The following DYRK1A variants were observed in gnomAD, a reference collection of about 807,000 sequenced individuals.
DYRK1A encodes dual specificity tyrosine phosphorylation regulated kinase 1A, also known as dual specificity tyrosine-phosphorylation-regulated kinase 1A.
DYRK1A carries 9 observed loss-of-function variants against 79.7 expected under a neutral mutation model. That is an observed-to-expected ratio of 0.11 (90% CI 0.07 to 0.20). The LOEUF (loss-of-function observed/expected upper bound fraction) is 0.20. DYRK1A is among the 10% of genes least tolerant of loss of function. DYRK1A has a pLI of 1.00. For synonymous variants in DYRK1A, 349 were observed against 329.7 expected (o/e 1.06, Z -0.63); for missense variants, 622 against 956.0 (o/e 0.65, Z 4.61).
chr21:37,507,186 C>A (rs931568257), intron 11 of DYRK1A, among the ~76,000 whole-genome samples: 1 of 152,206 alleles, frequency 6.6e-6, no homozygotes, highest in Admixed American at 6.5e-5. Context: ...TGTGCACTGT[C>A]CACTTCTCCT....
chr21:37,444,349 C>G (rs531871440), intron 2 of DYRK1A, among the ~76,000 whole-genome samples: 69 of 152,026 alleles, frequency 4.5e-4, no homozygotes, highest in African/African-American at 1.6e-3. Flanking sequence ...TAAGAAAGAT[C>G]AGTAACTGCA....
In DYRK1A at chr21:37,524,945, A is replaced by G. The variant is rs1485605491; in HGVS notation, c.*12414A>G. The G allele has an allele frequency of 5.9e-5, 9 of 152,250 alleles. No individual in the cohort carries two copies. The highest frequency in any genetic ancestry group is 5.9e-4 in the Admixed American group (9 of 15,290). The allele number at this position is 152,250 out of a possible 1,614,324, so 9.4% of individuals were successfully genotyped here. On this transcript the variant is annotated 3_prime_UTR_variant, in exon 12 of 12. Coordinates refer to ENST00000647188, the MANE Select transcript of DYRK1A (RefSeq NM_001347721.2). ...GAAACTACATCTCTACTAAAAGTAC[A>G]AAAATTAGCCGGGCATGATGGCATG...
At chr21:37,431,457 G>A (rs551803738) in intron 2 of DYRK1A, among the ~76,000 whole-genome samples, 116 of 152,326 alleles carry the variant, frequency 7.6e-4, no homozygotes, top group Non-Finnish European at 1.4e-3. Context: ...TTGAAAGTCA[G>A]CACCTGTACT....
intron 1 of DYRK1A, among the ~76,000 whole-genome samples, chr21:37,409,650 A>G (rs771285384): frequency 2.1e-4 from 32 of 152,154 alleles, no homozygotes; most frequent in Non-Finnish European, 4.1e-4. Context: ...AGATGTATAT[A>G]TTTATAAAAA....
intron 1 of DYRK1A, among the ~76,000 whole-genome samples, chr21:37,418,672 G>A (rs989966999): frequency 2.0e-5 from 3 of 152,158 alleles, no homozygotes; most frequent in African/African-American, 7.2e-5. Flanking sequence ...ATTAGAAAAT[G>A]ATGTCCTTTG....
chr21:37,523,051 T>C lies in DYRK1A; in HGVS notation c.*10520T>C, dbSNP rs1328281111. 6.6e-6 allele frequency: 1 copy of C among 152,332 alleles called. No individual in the cohort carries two copies. 9.4% of individuals were successfully genotyped at this position (152,332 alleles called of 1,614,324 possible). On this transcript the variant is annotated 3_prime_UTR_variant, in exon 12 of 12. Coordinates refer to ENST00000647188, the MANE Select transcript of DYRK1A (RefSeq NM_001347721.2). ...TAGTCTTCATCAATTCTTAGTATTA[T>C]TTTTTAGGGATAGGGTCTTGCTGTG...
At chr21:37,417,536 T>TTTTCTTTTTCTTTTTCTTTTTC (rs1569304627) in intron 1 of DYRK1A, among the ~76,000 whole-genome samples, 3 of 105,100 alleles carry the variant, frequency 2.9e-5, no homozygotes, top group Non-Finnish European at 6.3e-5. Context: ...TTTCTTTTTT[T>TTTTCTTTTTCTTTTTCTTTTTC]TTTTTTTTTT....
At chr21:37,462,631 GGATT>G in intron 2 of DYRK1A, among the ~76,000 whole-genome samples, 1 of 152,252 alleles carries the variant, frequency 6.6e-6, no homozygotes, top group East Asian at 1.9e-4. Flanking sequence ...CCCTATGTAC[GGATT>G]GATGGAGCTC....
intron 4 of DYRK1A, among the ~76,000 whole-genome samples, 163 bp from the exon 5 acceptor site, chr21:37,480,475 T>C (rs2052597449): frequency 6.6e-6 from 1 of 152,246 alleles, no homozygotes. Context: ...ACAGTATAAC[T>C]ATAATGAATT....
chr21:37,409,000 T>C (rs185543079), intron 1 of DYRK1A, among the ~76,000 whole-genome samples: 6 of 152,278 alleles, frequency 3.9e-5, no homozygotes, highest in African/African-American at 1.2e-4. Context: ...GCCAGGGTCA[T>C]GTCTATAGGT....
intron 1 of DYRK1A, among the ~76,000 whole-genome samples, chr21:37,398,559 C>G (rs747701495): frequency 6.6e-6 from 1 of 152,154 alleles, no homozygotes; most frequent in Non-Finnish European, 1.5e-5. Flanking sequence ...AATAGCAGAA[C>G]AAACTGAATA....
chr21:37,433,059 A>T (rs1029768768), intron 2 of DYRK1A, among the ~76,000 whole-genome samples: 1 of 149,942 alleles, frequency 6.7e-6, no homozygotes, highest in African/African-American at 2.4e-5. Context: ...ATATATATAT[A>T]TATATATGTA....
Position 37,389,070 on chromosome 21 carries a change from G to A in DYRK1A, c.-77+21442G>A, listed in dbSNP as rs183868340. ...AAAAATTTTTTTTTTAAGAGATGGAGTCTTATTGTGTTGTCCAGGCTGGTC... is the reference window on the plus strand; with the variant it reads ...AAAAATTTTTTTTTTAAGAGATGGAATCTTATTGTGTTGTCCAGGCTGGTC... On this transcript the variant is annotated intron_variant, in intron 1 of 11. Transcript: ENST00000647188. Among the ~76,000 whole-genome samples, 936 of 151,862 alleles carry A rather than the reference G, an allele frequency of 6.2e-3. 5 individuals carry two copies. The highest frequency in any genetic ancestry group is 8.8e-3 in the South Asian group (42 of 4,796).
intron 8 of DYRK1A, 70 bp downstream of exon 8, chr21:37,493,233 A>AT: frequency 6.7e-7 from 1 of 1,487,486 alleles, no homozygotes; most frequent in Non-Finnish European, 9.1e-7. Flanking sequence ...TGACAGTGTA[A>AT]TTTAAAAGTT....
chr21:37,472,840 TATC>T lies in DYRK1A; in HGVS notation c.170_172del (p.Ser57del). ...ATAAGTGACCAACAGGTTTCTGCCTTATCATATTCTGACCAGATTCAGCAACCT... is the reference window on the plus strand; with the variant it reads ...ATAAGTGACCAACAGGTTTCTGCCTTATATTCTGACCAGATTCAGCAACCT... On this transcript the variant is annotated inframe_deletion, in exon 3 of 12. Coordinates refer to ENST00000647188, the MANE Select transcript of DYRK1A (RefSeq NM_001347721.2). 1 of 1,603,042 alleles carries T rather than the reference TATC, an allele frequency of 6.2e-7. No homozygotes were observed. Among genetic ancestry groups the T allele is most frequent in the Non-Finnish European group, 8.5e-7 (1 of 1,172,478 alleles).
At chr21:37,366,342 G>A (rs1221103209), upstream of DYRK1A, among the ~76,000 whole-genome samples, 1 of 144,848 alleles carries the variant, frequency 6.9e-6, no homozygotes, top group Non-Finnish European at 1.5e-5. Flanking sequence ...AGCGCGGGGC[G>A]CTAGGGCTGC....
intron 2 of DYRK1A, among the ~76,000 whole-genome samples, chr21:37,445,312 G>A (rs2051232877): frequency 6.6e-6 from 1 of 152,194 alleles, no homozygotes; most frequent in South Asian, 2.1e-4. Flanking sequence ...AACTATTTGT[G>A]ATCAGTTAGT....
intron 2 of DYRK1A, among the ~76,000 whole-genome samples, chr21:37,463,361 T>G (rs1053463233): frequency 3.9e-5 from 6 of 152,202 alleles, no homozygotes; most frequent in Admixed American, 3.9e-4. Context: ...ATTGCTTACT[T>G]TCACTTTAAT....
chr21:37,428,819 CA>C (rs1478551688), intron 2 of DYRK1A: 1 of 129,926 alleles, frequency 7.7e-6, no homozygotes, highest in Non-Finnish European at 1.7e-5. Context: ...ATCATCTCCT[CA>C]AAAGGTGAAA....
Sources: allele counts gnomAD v4.1 joint callset (sites outside exome capture counted in the v4.1 genomes callset), GRCh38; gene constraint gnomAD v4.1.1; transcripts MANE v1.5; gene names NCBI Gene and HGNC (gene_info 2026-07-23, HGNC 2026-07-21).